NRIP1: variants seen among roughly 807,000 people sequenced by gnomAD.
NRIP1 encodes nuclear receptor interacting protein 1.
A neutral mutation model predicts 75.0 loss-of-function variants in NRIP1; 28 were observed. The ratio of observed to expected loss-of-function variants is 0.37; its 90% CI spans 0.28 to 0.51. The LOEUF (loss-of-function observed/expected upper bound fraction) is 0.51, where lower values mean the gene tolerates loss of function less well. Ranked by LOEUF, NRIP1 falls within the 20% of genes least tolerant of loss-of-function variation. The pLI, the probability that NRIP1 is intolerant of heterozygous loss-of-function variation, is 0.92. For synonymous variants in NRIP1, 526 were observed against 487.6 expected, an observed-to-expected ratio of 1.08 and a Z score of -1.04; for missense variants, 1,435 against 1,343.7, an observed-to-expected ratio of 1.07 and a Z score of -1.06.
At chr21:15,030,910 T>C (rs8132326) in intron 2 of NRIP1, among the ~76,000 whole-genome samples, 4,303 of 130,834 alleles carry the variant, frequency 0.033, 228 homozygotes, top group African/African-American at 0.099. Context: ...ATCACCACAT[T>C]CCCTTTCTAT....
chr21:15,024,047 G>T (rs1163320749), intron 2 of NRIP1, among the ~76,000 whole-genome samples: 1 of 152,244 alleles, frequency 6.6e-6, no homozygotes, highest in African/African-American at 2.4e-5. Flanking sequence ...AATAGAGAAG[G>T]CATGTCTTTA....
chr21:14,980,464 C>T (rs545149545), intron 3 of NRIP1, among the ~76,000 whole-genome samples: 4 of 151,848 alleles, frequency 2.6e-5, no homozygotes, highest in Middle Eastern at 3.4e-3. Flanking sequence ...CAGAGCGAGA[C>T]TCCGTATCAA....
intron 3 of NRIP1, among the ~76,000 whole-genome samples, chr21:14,981,784 G>A (rs111857544): frequency 2.1e-3 from 318 of 151,706 alleles, no homozygotes; most frequent in Middle Eastern, 3.4e-3. Flanking sequence ...TTTGTCTTGA[G>A]ATAGAATGAT....
At chr21:15,032,156 G>C (rs1051355907) in intron 2 of NRIP1, among the ~76,000 whole-genome samples, 1 of 152,358 alleles carries the variant, frequency 6.6e-6, no homozygotes, top group East Asian at 1.9e-4. Context: ...GTAATTTTGA[G>C]TCAAAGGGTT....
At chr21:15,033,198 T>C (rs527306934) in intron 2 of NRIP1, among the ~76,000 whole-genome samples, 37 of 147,576 alleles carry the variant, frequency 2.5e-4, no homozygotes, top group Middle Eastern at 3.3e-3. Context: ...GCACCCCAGC[T>C]TGGGCGACAG....
chr21:15,043,185 T>C (rs1298052771), intron 2 of NRIP1, among the ~76,000 whole-genome samples: 2 of 152,220 alleles, frequency 1.3e-5, no homozygotes, highest in African/African-American at 2.4e-5. Flanking sequence ...AAAGGAACTT[T>C]ATGTATCTCA....
At chr21:15,054,571 T>C (rs1035496035) in intron 1 of NRIP1, among the ~76,000 whole-genome samples, 1 of 152,194 alleles carries the variant, frequency 6.6e-6, no homozygotes, top group Non-Finnish European at 1.5e-5. Flanking sequence ...GGAAAAAATA[T>C]TGTTCCTTTT....
At chr21:14,988,047 T>C (rs1028091555) in intron 3 of NRIP1, 5 of 152,306 alleles carry the variant, frequency 3.3e-5, no homozygotes, top group Middle Eastern at 3.4e-3. Context: ...AAATCTTGTC[T>C]CTGCCAGTGT....
At position 14,965,560 on chromosome 21, in the gene NRIP1, A is replaced by T; in HGVS notation, c.2633T>A (p.Val878Asp). Residue 878 changes from valine (V) to aspartate (D), a missense_variant, in exon 4 of 4, where the codon GTT becomes GAT. Val to Asp is a radical substitution (Grantham distance 152). Coordinates refer to ENST00000318948, the MANE Select transcript of NRIP1 (RefSeq NM_003489.4). ...GGCACTGTGATTGTTTGCAGCATCA[A>T]CAATGTTGTTTTTCATCTTTTTAAA... Reference protein sequence around the residue: ...NPFKKMKNNIVDAANNHSAPE... With the variant: ...NPFKKMKNNIDDAANNHSAPE... The T allele has an allele frequency of 1.2e-6, 2 of 1,614,096 alleles. No homozygotes were observed. Among genetic ancestry groups the T allele is most frequent in the Non-Finnish European group, 1.7e-6 (2 of 1,179,976 alleles).
At chr21:14,990,134 G>A (rs1023237415) in intron 3 of NRIP1, among the ~76,000 whole-genome samples, 5 of 152,046 alleles carry the variant, frequency 3.3e-5, no homozygotes, top group Admixed American at 2.0e-4. Flanking sequence ...CGATTCTAGC[G>A]CCACTAGCCT....
intron 1 of NRIP1, among the ~76,000 whole-genome samples, chr21:15,054,002 C>T (rs1035271705): frequency 3.9e-5 from 6 of 152,032 alleles, no homozygotes; most frequent in Admixed American, 1.3e-4. Context: ...AGCTCCATTT[C>T]AAAATAATTT....
chr21:14,966,075 C>T lies in NRIP1; in HGVS notation c.2118G>A (p.Leu706=). 6.2e-7 allele frequency: 1 copy of T among 1,612,400 alleles called. No individual in the cohort carries two copies. Among genetic ancestry groups the T allele is most frequent in the Non-Finnish European group, 8.5e-7 (1 of 1,179,950 alleles). Reference sequence around the variant, plus strand: ...ACTGGAGGACAGTACGTCTTTCAAGCAGATTTTCTATTTCAGAACCAGAAA... The same window carrying T: ...ACTGGAGGACAGTACGTCTTTCAAGTAGATTTTCTATTTCAGAACCAGAAA... ...PGLSGSEIEN[L]LERRTVLQLL... is the part of the protein sequence containing the mutation. The change falls in exon 4 of 4, where the codon CTG becomes CTA. Residue 706 remains leucine, a synonymous_variant. Transcript: ENST00000318948.
intron 3 of NRIP1, chr21:14,974,088 T>C (rs1421226625): frequency 2.6e-5 from 4 of 152,142 alleles, no homozygotes; most frequent in Non-Finnish European, 4.4e-5. Flanking sequence ...TTTAAGTTAA[T>C]TCATGAATAA....
rs1009562932 is a variant in NRIP1, at chr21:14,966,634, T to C, written c.1559A>G (p.Gln520Arg). The C allele has an allele frequency of 6.2e-7, 1 of 1,614,138 alleles. No individual in the cohort carries two copies. The highest frequency in any genetic ancestry group is 1.3e-5 in the African/African-American group (1 of 75,052). ...CTTGCTCACATCATTGTGTACTCCC[T>C]GAGGGCTGGTGTTTTTTTCTACATT... ...EENVEKNTSP[Q>R]GVHNDVSKFN... The change falls in exon 4 of 4, where the codon CAG becomes CGG. Residue 520 changes from glutamine (Q) to arginine (R), a missense_variant. Physicochemically the swap from Gln to Arg is conservative, Grantham distance 43 (BLOSUM62 1). Transcript: ENST00000318948.
Position 15,014,599 on chromosome 21 carries a change from A to G in NRIP1, c.-457-133T>C, listed in dbSNP as rs189487494. On this transcript the variant is annotated intron_variant, in intron 2 of 3. Transcript: ENST00000318948. ...GCAAAAGTAGTCATTTGACAGAAAA[A>G]TATCAATTGTTTATGAATGCTGGTT... The G allele has an allele frequency of 1.8e-3, 698 of 395,954 alleles. 4 individuals carry two copies. Among genetic ancestry groups the G allele is most frequent in the Non-Finnish European group, 1.1e-3 (251 of 224,580 alleles). 24.5% of individuals were successfully genotyped at this position (395,954 alleles called of 1,614,324 possible).
At position 14,965,460 on chromosome 21, in the gene NRIP1, A is replaced by G. The variant is rs748948196; in HGVS notation, c.2733T>C (p.Tyr911=). 5.0e-6 allele frequency: 8 copies of G among 1,613,810 alleles called. No homozygotes were observed. Among genetic ancestry groups the G allele is most frequent in the African/African-American group, 1.3e-5 (1 of 74,876 alleles). The change falls in exon 4 of 4, where the codon TAT becomes TAC. Residue 911 remains tyrosine (Y), a synonymous_variant. Coordinates refer to ENST00000318948, the MANE Select transcript of NRIP1 (RefSeq NM_003489.4). The stretch of plus-strand genomic sequence containing the variant: ...CGCTGGCTGAGCCATGACCAGCAGG[A>G]TATTTAAATTCAAGATCATTTCTGC... ...KFSRNDLEFK[Y]PAGHGSASES...
chr21:15,011,975 G>A (rs566690876), intron 3 of NRIP1, among the ~76,000 whole-genome samples: 23 of 152,252 alleles, frequency 1.5e-4, no homozygotes, highest in African/African-American at 5.1e-4. Context: ...TATTTAGTTT[G>A]CAATATTCAA....
In NRIP1 at chr21:15,064,920, C is replaced by G. The variant is rs1978743208; in HGVS notation, c.-713G>C. ...CGGGCGCGCGCGGGTGGCGGGCGGGCGTGGGGCCGGGTCGTCCCTGCGCCT... is the reference window on the plus strand; with the variant it reads ...CGGGCGCGCGCGGGTGGCGGGCGGGGGTGGGGCCGGGTCGTCCCTGCGCCT... On this transcript the variant is annotated 5_prime_UTR_variant, in exon 1 of 4. Coordinates refer to ENST00000318948, the MANE Select transcript of NRIP1 (RefSeq NM_003489.4). 6.7e-6 allele frequency: 1 copy of G among 148,346 alleles called. No homozygotes were observed. The highest frequency in any genetic ancestry group is 2.4e-5 in the African/African-American group (1 of 40,990). The allele number at this position is 148,346 out of a possible 1,614,324, so 9.2% of individuals were successfully genotyped here.
At chr21:14,975,923 G>A (rs2087052717) in intron 3 of NRIP1, among the ~76,000 whole-genome samples, 1 of 151,944 alleles carries the variant, frequency 6.6e-6, no homozygotes, top group Non-Finnish European at 1.5e-5. Flanking sequence ...GGTTCCAATG[G>A]ACATATATAG....
Sources: allele counts gnomAD v4.1 joint callset (sites outside exome capture counted in the v4.1 genomes callset), GRCh38; gene constraint gnomAD v4.1.1; transcripts MANE v1.5; gene names NCBI Gene and HGNC (gene_info 2026-07-23, HGNC 2026-07-21).